KRTAP12-2: variants seen among roughly 807,000 people sequenced by gnomAD.
KRTAP12-2 encodes the protein keratin-associated protein 12-2.
For synonymous variants in KRTAP12-2, 73 were observed against 83.9 expected (o/e 0.87, Z 0.71); for missense variants, 166 against 184.2 (o/e 0.90, Z 0.57).
Position 44,666,539 on chromosome 21 carries a change from C to A in KRTAP12-2, c.348G>T (p.Ala116=), listed in dbSNP as rs781800550. The change falls in exon 1 of 1, where the codon GCG becomes GCT. Residue 116 remains alanine, a synonymous_variant. Coordinates refer to ENST00000360770, the MANE Select transcript of KRTAP12-2 (RefSeq NM_181684.3). ...ACCCAGAGGACTGGCAGGACGGAGC[C>A]GCATACACGACAGGCCTGCAGCTCA... The part of the protein sequence containing the change: ...VPVSCRPVVY[A]APSCQSSGCC... 1.2e-6 allele frequency: 2 copies of A among 1,612,902 alleles called. No individual in the cohort carries two copies. The highest frequency in any genetic ancestry group is 2.2e-5 in the South Asian group (2 of 90,966).
chr21:44,666,578 G>A lies in KRTAP12-2; in HGVS notation c.309C>T (p.Ser103=), dbSNP rs781950210. 1.9e-6 allele frequency: 3 copies of A among 1,612,080 alleles called. No homozygotes were observed. The highest frequency in any genetic ancestry group is 2.5e-6 in the Non-Finnish European group (3 of 1,178,584). Residue 103 remains serine, a synonymous_variant, in exon 1 of 1, where the codon TCC becomes TCT. Coordinates refer to ENST00000360770, the MANE Select transcript of KRTAP12-2 (RefSeq NM_181684.3). ...IVCAAPSCQS[S]LCVPVSCRPV... is the part of the protein sequence containing the mutation. ...GCCTGCAGCTCACAGGCACGCACAG[G>A]GAGGACTGGCAGGAGGGGGCTGCAC... is the stretch of plus-strand genomic sequence containing the variant.
chr21:44,666,445 C>G lies in KRTAP12-2; in HGVS notation c.*1G>C. The G allele has an allele frequency of 6.4e-7, 1 of 1,573,582 alleles. No homozygotes were observed. The highest frequency in any genetic ancestry group is 2.2e-5 in the East Asian group (1 of 44,588). On this transcript the variant is annotated 3_prime_UTR_variant, in exon 1 of 1. Transcript: ENST00000360770. ...GGAGCAGCGGGTCTGGAGATTCATG[C>G]TCAGCAGCAGGAAGAGATACTGTAG...
rs1985756338 is a variant in KRTAP12-2 at position 44,666,331 on chromosome 21, A to G, written c.*115T>C. On this transcript the variant is annotated 3_prime_UTR_variant, in exon 1 of 1. Transcript: ENST00000360770. The stretch of plus-strand genomic sequence containing the variant: ...TCTCAATCCAGAATTCAGAGGGTTC[A>G]ACTGAGCATGCTTTTCACCTGCACC... The G allele has an allele frequency of 8.1e-7, 1 of 1,229,342 alleles. No homozygotes were observed. Among genetic ancestry groups the G allele is most frequent in the Non-Finnish European group, 1.1e-6 (1 of 876,142 alleles). 76.2% of individuals were successfully genotyped at this position (1,229,342 alleles called of 1,614,324 possible). A position where few individuals can be genotyped will look rare whatever the true frequency, so the allele number is the denominator to read the frequency against.
rs375768219 is a variant in KRTAP12-2 at position 44,666,588 on chromosome 21, C to T, written c.299G>A (p.Cys100Tyr). Residue 100 changes from cysteine to tyrosine, a missense_variant, in exon 1 of 1, where the codon TGC becomes TAC. By Grantham distance (194) the Cys-to-Tyr change is radical (BLOSUM62 -2). Transcript: ENST00000360770. ...CRPIVCAAPS[C>Y]QSSLCVPVSC... ...CACAGGCACGCACAGGGAGGACTGGCAGGAGGGGGCTGCACACACAATGGG... is the reference window on the plus strand; with the variant it reads ...CACAGGCACGCACAGGGAGGACTGGTAGGAGGGGGCTGCACACACAATGGG... The T allele has an allele frequency of 6.2e-6, 10 of 1,612,714 alleles. No individual in the cohort carries two copies. Among genetic ancestry groups the T allele is most frequent in the Non-Finnish European group, 8.5e-6 (10 of 1,178,982 alleles).
rs781886196 is a variant in KRTAP12-2, at chr21:44,666,779, C to G, written c.108G>C (p.Val36=). Residue 36 remains valine, a synonymous_variant, in exon 1 of 1, where the codon GTG becomes GTC. Coordinates refer to ENST00000360770, the MANE Select transcript of KRTAP12-2 (RefSeq NM_181684.3). ...ACACGGAGGACTGGCAGCCCACAGG[C>G]ACACAGCAGGATGCCTGGCAGGAGC... is the stretch of plus-strand genomic sequence containing the variant. The part of the protein sequence containing the change: ...VPSSCQASCC[V]PVGCQSSVCV... The G allele has an allele frequency of 6.2e-7, 1 of 1,612,198 alleles. No homozygotes were observed. Among genetic ancestry groups the G allele is most frequent in the Admixed American group, 1.7e-5 (1 of 59,900 alleles).
Position 44,666,808 on chromosome 21 carries a change from G to A in KRTAP12-2, c.79C>T (p.Pro27Ser). The A allele has an allele frequency of 6.2e-7, 1 of 1,611,836 alleles. No individual in the cohort carries two copies. The highest frequency in any genetic ancestry group is 8.5e-7 in the Non-Finnish European group (1 of 1,178,552). ...PSPCQPACCV[P>S]SSCQASCCVP... is the part of the protein sequence containing the mutation. ...CAGCAGGATGCCTGGCAGGAGCTGG[G>A]CACACAACAGGCTGGCTGGCAGGGG... Residue 27 changes from proline to serine, a missense_variant, in exon 1 of 1, where the codon CCC becomes TCC. By Grantham distance (74) the Pro-to-Ser change is moderately conservative (BLOSUM62 -1). Transcript: ENST00000360770.
rs201625734 is a variant in KRTAP12-2, at chr21:44,666,870, C to A, written c.17G>T (p.Cys6Phe). Residue 6 changes from cysteine to phenylalanine, a missense_variant, in exon 1 of 1, where the codon TGC (cysteine) becomes TTC (phenylalanine). By Grantham distance (205) the Cys-to-Phe change is radical. Transcript: ENST00000360770. MCHTS[C>F]SSGCQPACCA... is the part of the protein sequence containing the mutation. ...GCAGGCTGGCTGGCAGCCCGAGGAG[C>A]AGCTGGTATGACACATGGTGGCGTG... is the stretch of plus-strand genomic sequence containing the variant. 1,646 of 1,613,602 alleles carry A rather than the reference C, an allele frequency of 1.0e-3. 1 individual carries two copies. The highest frequency in any genetic ancestry group is 1.3e-3 in the Non-Finnish European group (1,546 of 1,179,690).
rs1555944998 is a variant in KRTAP12-2, at chr21:44,666,911, G to A, written c.-25C>T. On this transcript the variant is annotated 5_prime_UTR_variant, in exon 1 of 1. Transcript: ENST00000360770. The stretch of plus-strand genomic sequence containing the variant: ...TGGTGGCGTGTGGCTGGATAAGGTC[G>A]AGGCAGAGGGCAGTGATGTCTGGGG... The A allele has an allele frequency of 1.6e-5, 25 of 1,605,250 alleles. No individual in the cohort carries two copies. The highest frequency in any genetic ancestry group is 3.4e-5 in the Admixed American group (2 of 59,480).
rs7276859 is a variant in KRTAP12-2 at position 44,666,802 on chromosome 21, A to G, written c.85T>C (p.Ser29Pro). ...GGCACACAGCAGGATGCCTGGCAGG[A>G]GCTGGGCACACAACAGGCTGGCTGG... ...PCQPACCVPS[S>P]CQASCCVPVG... The change falls in exon 1 of 1, where the codon TCC becomes CCC. Residue 29 changes from serine (S) to proline (P), a missense_variant. Physicochemically the swap from Ser to Pro is moderately conservative, Grantham distance 74. Transcript: ENST00000360770. The G allele has an allele frequency of 0.52, 835,627 of 1,613,280 alleles. 218,672 individuals are homozygous for G. Among genetic ancestry groups the G allele is most frequent in the African/African-American group, 0.7 (52,394 of 74,908 alleles).
rs1555944852 is a variant in KRTAP12-2, at chr21:44,666,708, C to T, written c.179G>A (p.Cys60Tyr). 3 of 1,613,950 alleles carry T rather than the reference C, an allele frequency of 1.9e-6. No individual in the cohort carries two copies. The African/African-American group carries it at 4.0e-5, about 22-fold the overall frequency. Residue 60 changes from cysteine to tyrosine, a missense_variant, in exon 1 of 1, where the codon TGC becomes TAC. Transcript: ENST00000360770. ...CATGGGCACACACACAGAAGACTGG[C>T]AGCTCACGGGCAGGCACACGGCTGG... ...FKPAVCLPVS[C>Y]QSSVCVPMSF...
rs1985755803 is a variant in KRTAP12-2, at chr21:44,666,316, G to A, written c.*130C>T. The A allele has an allele frequency of 8.8e-7, 1 of 1,137,102 alleles. No homozygotes were observed. Among genetic ancestry groups the A allele is most frequent in the African/African-American group, 1.5e-5 (1 of 64,572 alleles). The allele number at this position is 1,137,102 out of a possible 1,614,324, so 70.4% of individuals were successfully genotyped here. A position where few individuals can be genotyped will look rare whatever the true frequency, so the allele number is the denominator to read the frequency against. On this transcript the variant is annotated 3_prime_UTR_variant, in exon 1 of 1. Transcript: ENST00000360770. ...ATCATTCTGTCACATTCTCAATCCA[G>A]AATTCAGAGGGTTCAACTGAGCATG...
In KRTAP12-2 at chr21:44,666,658, G is replaced by A. The variant is rs782417644; in HGVS notation, c.229C>T (p.Pro77Ser). 5 of 1,613,116 alleles carry A rather than the reference G, an allele frequency of 3.1e-6. No individual in the cohort carries two copies. The Admixed American group carries it at 8.3e-5, about 27-fold the overall frequency. The change falls in exon 1 of 1, where the codon CCC becomes TCC. Residue 77 changes from proline (P) to serine (S), a missense_variant. Pro to Ser is a moderately conservative substitution (Grantham distance 74). Coordinates refer to ENST00000360770, the MANE Select transcript of KRTAP12-2 (RefSeq NM_181684.3). The stretch of plus-strand genomic sequence containing the variant: ...CACACAGAAGACTGGCAGCTCACGG[G>A]CACGCACACAGCTGACTTGAAGCTC... ...PMSFKSAVCV[P>S]VSCQSSVCVP...
chr21:44,666,291 A>T lies in KRTAP12-2; in HGVS notation c.*155T>A. On this transcript the variant is annotated 3_prime_UTR_variant, in exon 1 of 1. Coordinates refer to ENST00000360770, the MANE Select transcript of KRTAP12-2 (RefSeq NM_181684.3). Reference sequence around the variant, plus strand: ...TGGGCAAGGTCAGCAAGGGCTCCAGATCATTCTGTCACATTCTCAATCCAG... The same window carrying T: ...TGGGCAAGGTCAGCAAGGGCTCCAGTTCATTCTGTCACATTCTCAATCCAG... 1.0e-6 allele frequency: 1 copy of T among 975,472 alleles called. No homozygotes were observed. The highest frequency in any genetic ancestry group is 1.5e-6 in the Non-Finnish European group (1 of 665,924). The allele number at this position is 975,472 out of a possible 1,614,324, so 60.4% of individuals were successfully genotyped here. A position where few individuals can be genotyped will look rare whatever the true frequency, so the allele number is the denominator to read the frequency against.
chr21:44,666,527 G>A lies in KRTAP12-2; in HGVS notation c.360C>T (p.Cys120=). The A allele has an allele frequency of 6.2e-7, 1 of 1,613,012 alleles. No individual in the cohort carries two copies. Among genetic ancestry groups the A allele is most frequent in the Non-Finnish European group, 8.5e-7 (1 of 1,179,202 alleles). Residue 120 remains cysteine, a synonymous_variant, in exon 1 of 1, where the codon TGC becomes TGT. Transcript: ENST00000360770. Reference sequence around the variant, plus strand: ...AGGGCTGGCAGCACCCAGAGGACTGGCAGGACGGAGCCGCATACACGACAG... The same window carrying A: ...AGGGCTGGCAGCACCCAGAGGACTGACAGGACGGAGCCGCATACACGACAG... ...CRPVVYAAPS[C]QSSGCCQPSC...
At position 44,666,490 on chromosome 21, in the gene KRTAP12-2, C is replaced by T. The variant is rs12481809; in HGVS notation, c.397G>A (p.Val133Ile). ...CTGTAGGAGATGGGTCTGCAGAGGA[C>T]GCTGGTGCAGGAGGGCTGGCAGCAC... ...SGCCQPSCTSVLCRPISYSIS... is the reference protein window; with the variant it reads ...SGCCQPSCTSILCRPISYSIS... The change falls in exon 1 of 1, where the codon GTC (valine) becomes ATC (isoleucine). Residue 133 changes from valine to isoleucine, a missense_variant. Transcript: ENST00000360770. 322,725 of 1,607,736 alleles carry T rather than the reference C, an allele frequency of 0.2. 33,545 individuals are homozygous for T. The highest frequency in any genetic ancestry group is 0.21 in the Non-Finnish European group (251,318 of 1,176,560).
Position 44,666,811 on chromosome 21 carries a change from C to A in KRTAP12-2, c.76G>T (p.Val26Leu). The A allele has an allele frequency of 6.2e-7, 1 of 1,610,980 alleles. No homozygotes were observed. The highest frequency in any genetic ancestry group is 8.5e-7 in the Non-Finnish European group (1 of 1,177,972). ...CAGGATGCCTGGCAGGAGCTGGGCA[C>A]ACAACAGGCTGGCTGGCAGGGGCTG... ...APSPCQPACC[V>L]PSSCQASCCV... is the part of the protein sequence containing the mutation. The change falls in exon 1 of 1, where the codon GTG (valine) becomes TTG (leucine). Residue 26 changes from valine to leucine, a missense_variant. Transcript: ENST00000360770.
chr21:44,666,319 T>C lies in KRTAP12-2; in HGVS notation c.*127A>G. 2 of 1,141,576 alleles carry C rather than the reference T, an allele frequency of 1.8e-6. No homozygotes were observed. The highest frequency in any genetic ancestry group is 2.5e-6 in the Non-Finnish European group (2 of 800,654). 70.7% of individuals were successfully genotyped at this position (1,141,576 alleles called of 1,614,324 possible). ...ATTCTGTCACATTCTCAATCCAGAA[T>C]TCAGAGGGTTCAACTGAGCATGCTT... On this transcript the variant is annotated 3_prime_UTR_variant, in exon 1 of 1. Transcript: ENST00000360770.
chr21:44,666,304 A>G lies in KRTAP12-2; in HGVS notation c.*142T>C, dbSNP rs1601545581. 3.8e-6 allele frequency: 4 copies of G among 1,058,978 alleles called. No homozygotes were observed. The African/African-American group carries it at 4.8e-5, about 13-fold the overall frequency. 65.6% of individuals were successfully genotyped at this position (1,058,978 alleles called of 1,614,324 possible). A position where few individuals can be genotyped will look rare whatever the true frequency, so the allele number is the denominator to read the frequency against. On this transcript the variant is annotated 3_prime_UTR_variant, in exon 1 of 1. Transcript: ENST00000360770. The stretch of plus-strand genomic sequence containing the variant: ...CAAGGGCTCCAGATCATTCTGTCAC[A>G]TTCTCAATCCAGAATTCAGAGGGTT...
At chr21:44,666,662 G>T in the KRTAP12-2 span, 4 of 1,612,504 alleles carry the variant, frequency 2.5e-6, no homozygotes, top group South Asian at 4.4e-5. Flanking sequence ...TCACGGGCAC[G>T]CACACAGCTG....
Sources: allele counts gnomAD v4.1 joint callset, GRCh38; gene constraint gnomAD v4.1.1; transcripts MANE v1.5; gene names NCBI Gene and HGNC (gene_info 2026-07-23, HGNC 2026-07-21).